Variants in PEAR1 observed in about 807,000 individuals in gnomAD.
PEAR1 encodes the protein platelet endothelial aggregation receptor 1.
PEAR1 carries 113 observed loss-of-function variants against 131.2 expected under a neutral mutation model. That is an observed-to-expected ratio of 0.86 (90% confidence interval 0.74 to 1.01). PEAR1 has a LOEUF of 1.01. PEAR1 is among the 50% of genes least tolerant of loss of function. PEAR1 has a pLI of 0.00. For missense variants in PEAR1, 1,408 were observed against 1,391.1 expected (o/e 1.01, Z -0.19); for synonymous variants, 565 against 523.3 (o/e 1.08, Z -1.09).
chr1:156,909,481 TG>T (rs1288834552), intron 11 of PEAR1, among the ~76,000 whole-genome samples: 1 of 152,248 alleles, frequency 6.6e-6, no homozygotes, highest in Non-Finnish European at 1.5e-5. Flanking sequence ...AGTTACCTGA[TG>T]GGGCCCCTGT....
rs1410169003 is a variant in PEAR1, at chr1:156,902,652, G to T, written c.-9-1266G>T. Among the ~76,000 whole-genome samples, 1 of 152,096 alleles carries T rather than the reference G, an allele frequency of 6.6e-6. No homozygotes were observed. On this transcript the variant is annotated intron_variant, in intron 1 of 22. Transcript: ENST00000292357. The surrounding 1 kb of genome is among the most constrained non-coding windows in gnomAD (Gnocchi z 4.3). ...CAACATTCCAGAGATACTCAGGGGG[G>T]TAAGGGGCCAGCAACCGCGACCTTT...
intron 11 of PEAR1, 49 bp from the exon 12 acceptor site, chr1:156,909,702 C>A: frequency 6.4e-7 from 1 of 1,551,730 alleles, no homozygotes; most frequent in South Asian, 1.2e-5. Flanking sequence ...TGTGCTTGCT[C>A]AGGAAGGGAA....
At chr1:156,909,659 T>C in intron 11 of PEAR1, 92 bp from the exon 12 acceptor site, 12 of 1,295,650 alleles carry the variant, frequency 9.3e-6, no homozygotes, top group Non-Finnish European at 1.3e-5. Context: ...CCCCAGCTCA[T>C]AGCATAGAAT....
At chr1:156,913,645 G>A (rs756019166) in intron 20 of PEAR1, 47 bp from the exon 21 acceptor site, 10 of 1,604,250 alleles carry the variant, frequency 6.2e-6, no homozygotes, top group East Asian at 2.2e-5. Flanking sequence ...AGTGTGAGCC[G>A]GGGGAGGGGA....
chr1:156,912,184 G>T lies in PEAR1; in HGVS notation c.1952-63G>T, dbSNP rs1048411312. 11 of 1,549,428 alleles carry T rather than the reference G, an allele frequency of 7.1e-6. No individual in the cohort carries two copies. In the East Asian group the frequency reaches 2.5e-4, roughly 35 times the overall value. On this transcript the variant is annotated intron_variant, in intron 15 of 22. Coordinates refer to ENST00000292357, the MANE Select transcript of PEAR1 (RefSeq NM_001080471.3). Reference sequence around the variant, plus strand: ...GCTAAAGGCTTCAGTGATGCTGGGGGCTGAGAGTTCATCCAGGAAAAGCTG... The same window carrying T: ...GCTAAAGGCTTCAGTGATGCTGGGGTCTGAGAGTTCATCCAGGAAAAGCTG...
rs534748136 is a variant in PEAR1 at position 156,903,559 on chromosome 1, G to A, written c.-9-359G>A. Among the ~76,000 whole-genome samples, 16 of 152,296 alleles carry A rather than the reference G, an allele frequency of 1.1e-4. No homozygotes were observed. In the East Asian group the frequency reaches 3.1e-3, roughly 29 times the overall value. On this transcript the variant is annotated intron_variant, in intron 1 of 22. Coordinates refer to ENST00000292357, the MANE Select transcript of PEAR1 (RefSeq NM_001080471.3). ...CAGGGAGCAGGCACTGGAACAGTGG[G>A]GTGGGGGTGAATGATACTGGGACCC... is the stretch of plus-strand genomic sequence containing the variant.
At chr1:156,900,282 C>G (rs905772301) in intron 1 of PEAR1, among the ~76,000 whole-genome samples, 2 of 151,974 alleles carry the variant, frequency 1.3e-5, no homozygotes, top group Non-Finnish European at 2.9e-5. Flanking sequence ...ATCTCAGTTC[C>G]CACGCTTCTG....
Position 156,902,602 on chromosome 1 carries a change from T to A in PEAR1, c.-9-1316T>A, listed in dbSNP as rs1446924128. The stretch of plus-strand genomic sequence containing the variant: ...TGGGGACCCTGGGAGTGTGTGGGTG[T>A]GGGGTGTGGGGTAGGGCCAGGCAGC... On this transcript the variant is annotated intron_variant, in intron 1 of 22. Transcript: ENST00000292357. The surrounding 1 kb of genome is among the most constrained non-coding windows in gnomAD (Gnocchi z 4.3). Among the ~76,000 whole-genome samples the A allele has an allele frequency of 6.6e-6, 1 of 151,060 alleles. No individual in the cohort carries two copies. The highest frequency in any genetic ancestry group is 2.4e-5 in the African/African-American group (1 of 40,974).
At position 156,906,678 on chromosome 1, in the gene PEAR1, T is replaced by A; in HGVS notation, c.442T>A (p.Cys148Ser). 1 of 1,614,200 alleles carries A rather than the reference T, an allele frequency of 6.2e-7. No homozygotes were observed. Among genetic ancestry groups the A allele is most frequent in the Middle Eastern group, 1.6e-4 (1 of 6,062 alleles). Residue 148 changes from cysteine to serine, a missense_variant, in exon 6 of 23, where the codon TGC becomes AGC. By Grantham distance (112) the Cys-to-Ser change is moderately radical. Coordinates refer to ENST00000292357, the MANE Select transcript of PEAR1 (RefSeq NM_001080471.3). The part of the protein sequence containing the change: ...GMWGPQCDKP[C>S]SCGNNSSCDP... ...GTGGGGGCCACAGTGTGACAAGCCC[T>A]GCAGCTGCGGCAACAACAGCTCGTG...
chr1:156,908,106 G>A lies in PEAR1; in HGVS notation c.903-22G>A, dbSNP rs1220235685. Reference sequence around the variant, plus strand: ...GAGGGAGGAGGTGGGGCGCCGCCAGGCTCACTCAGCTAGGTGCCCAGGTGC... The same window carrying A: ...GAGGGAGGAGGTGGGGCGCCGCCAGACTCACTCAGCTAGGTGCCCAGGTGC... On this transcript the variant is annotated intron_variant, in intron 8 of 22. Coordinates refer to ENST00000292357, the MANE Select transcript of PEAR1 (RefSeq NM_001080471.3). The surrounding 1 kb of genome is among the most constrained non-coding windows in gnomAD (Gnocchi z 4.2). 1.3e-6 allele frequency: 2 copies of A among 1,591,102 alleles called. No homozygotes were observed. Among genetic ancestry groups the A allele is most frequent in the Non-Finnish European group, 1.7e-6 (2 of 1,168,902 alleles).
rs1357767231 is a variant in PEAR1, at chr1:156,907,737, A to C, written c.765+7A>C. On this transcript the variant is annotated splice_region_variant and intron_variant, in intron 7 of 22. Coordinates refer to ENST00000292357, the MANE Select transcript of PEAR1 (RefSeq NM_001080471.3). ...CTGCCCCCCTGGCTGGATGGTATGG[A>C]GGGTGGGGCCTGTGGGCATGGGGTG... The C allele has an allele frequency of 6.3e-7, 1 of 1,598,390 alleles. No homozygotes were observed. Among genetic ancestry groups the C allele is most frequent in the Admixed American group, 1.7e-5 (1 of 58,440 alleles).
intron 4 of PEAR1, 79 bp downstream of exon 4, chr1:156,905,503 C>A: frequency 1.6e-6 from 2 of 1,281,374 alleles, no homozygotes; most frequent in East Asian, 2.5e-5. Flanking sequence ...GAGTCCCTCC[C>A]GGCCCCCGCT....
chr1:156,904,263 C>T (rs1393942182), intron 2 of PEAR1, among the ~76,000 whole-genome samples: 1 of 152,118 alleles, frequency 6.6e-6, no homozygotes, highest in African/African-American at 2.4e-5. Context: ...TCTCTTTCCC[C>T]GTCCCTTAGT....
Position 156,910,308 on chromosome 1 carries a change from G to A in PEAR1, c.1753G>A (p.Gly585Arg). Residue 585 changes from glycine to arginine, a missense_variant, in exon 14 of 23, where the codon GGG becomes AGG. Gly to Arg is a moderately radical substitution (Grantham distance 125, BLOSUM62 -2). Coordinates refer to ENST00000292357, the MANE Select transcript of PEAR1 (RefSeq NM_001080471.3). ...TAGCAACACCTGCACCTGCAAGAAT[G>A]GGGGCACCTGTCTCCCTGAGAATGG... ...NCSNTCTCKN[G>R]GTCLPENGNC... 6.2e-7 allele frequency: 1 copy of A among 1,613,438 alleles called. No individual in the cohort carries two copies. The highest frequency in any genetic ancestry group is 8.5e-7 in the Non-Finnish European group (1 of 1,179,712).
rs940645213 is a variant in PEAR1, at chr1:156,903,778, G to A, written c.-9-140G>A. ...TTCAGGAGTGAGGTGTAGGGGAGCT[G>A]GAGCTCAGAGCAAGGGGCCAGAGGA... On this transcript the variant is annotated intron_variant, in intron 1 of 22. Coordinates refer to ENST00000292357, the MANE Select transcript of PEAR1 (RefSeq NM_001080471.3). 3 of 669,774 alleles carry A rather than the reference G, an allele frequency of 4.5e-6. No homozygotes were observed. The Admixed American group carries it at 7.1e-5, about 16-fold the overall frequency. The allele number at this position is 669,774 out of a possible 1,614,324, so 41.5% of individuals were successfully genotyped here.
At chr1:156,894,420 G>C (rs1648955100) in intron 1 of PEAR1, among the ~76,000 whole-genome samples, 1 of 152,248 alleles carries the variant, frequency 6.6e-6, no homozygotes, top group Non-Finnish European at 1.5e-5. Flanking sequence ...AATGACGCTA[G>C]ATAAACAGAT....
intron 22 of PEAR1, 141 bp from the exon 23 acceptor site, chr1:156,914,506 A>C: frequency 2.5e-6 from 2 of 809,846 alleles, no homozygotes; most frequent in Non-Finnish European, 3.8e-6. Context: ...AGCTGATAGT[A>C]AACTGGTGTA....
Position 156,908,795 on chromosome 1 carries a change from C to T in PEAR1, c.1256C>T (p.Thr419Ile), listed in dbSNP as rs1650684452. 6.2e-7 allele frequency: 1 copy of T among 1,606,360 alleles called. No homozygotes were observed. The highest frequency in any genetic ancestry group is 1.1e-5 in the South Asian group (1 of 90,832). The stretch of plus-strand genomic sequence containing the variant: ...CTGCACGGTGGCGTCTGCCAGGCTA[C>T]CAGCGGCCTCTGTCAGTGCGCGCCG... ...LCLHGGVCQA[T>I]SGLCQCAPGY... is the part of the protein sequence containing the mutation. The change falls in exon 10 of 23, where the codon ACC becomes ATC. Residue 419 changes from threonine to isoleucine, a missense_variant. Transcript: ENST00000292357. The surrounding 1 kb of genome is among the most constrained non-coding windows in gnomAD (Gnocchi z 4.2).
chr1:156,910,492 C>A, intron 14 of PEAR1, 112 bp downstream of exon 14: 1 of 1,545,764 alleles, frequency 6.5e-7, no homozygotes, highest in East Asian at 2.3e-5. Flanking sequence ...ACCTTACCCC[C>A]GGTCTCTTCC....
Sources: gnomAD v4.1 joint callset for allele counts (sites outside exome capture counted in the v4.1 genomes callset) on GRCh38, gnomAD v4.1.1 for gene constraint, Gnocchi (gnomAD v3.1) non-coding constraint, MANE v1.5 for transcripts, NCBI Gene and HGNC (gene_info 2026-07-23, HGNC 2026-07-21) for gene names.